The following PDE6C variants were observed in gnomAD, a reference collection of about 807,000 sequenced individuals.
PDE6C encodes the protein phosphodiesterase 6C, also known as cone cGMP-specific 3',5'-cyclic phosphodiesterase subunit alpha'.
In PDE6C, 75 loss-of-function variants were observed where a neutral mutation model predicts 113.1. The observed-to-expected ratio is 0.66, with a 90% CI of 0.55 to 0.80. The LOEUF (loss-of-function observed/expected upper bound fraction) is 0.80. Ranked by LOEUF, PDE6C falls within the 30% of genes least tolerant of loss-of-function variation. The probability of loss-of-function intolerance (pLI) is 0.00; values close to 1 mark genes in which losing one functional copy is unlikely to be tolerated. For missense variants in PDE6C, 912 were observed against 1,038.6 expected, an observed-to-expected ratio of 0.88 and a Z score of 1.67; for synonymous variants, 375 against 363.7, an observed-to-expected ratio of 1.03 and a Z score of -0.35.
chr10:93,640,483 G>C lies in PDE6C; in HGVS notation c.1663G>C (p.Gly555Arg). The C allele has an allele frequency of 6.2e-7, 1 of 1,613,696 alleles. No individual in the cohort carries two copies. Among genetic ancestry groups the C allele is most frequent in the Non-Finnish European group, 8.5e-7 (1 of 1,179,670 alleles). Reference sequence around the variant, plus strand: ...CAGATGGATGTACACTGTGAGGAAAGGGTACCGAGCTGTCACTTACCACAA... The same window carrying C: ...CAGATGGATGTACACTGTGAGGAAACGGTACCGAGCTGTCACTTACCACAA... ...LTRWMYTVRK[G>R]YRAVTYHNWR... The change falls in exon 13 of 22, where the codon GGG becomes CGG. Residue 555 changes from glycine to arginine, a missense_variant. Transcript: ENST00000371447.
rs540845455 is a variant in PDE6C at position 93,614,565 on chromosome 10, C to T, written c.480+1360C>T. On this transcript the variant is annotated intron_variant, in intron 1 of 21. Coordinates refer to ENST00000371447, the MANE Select transcript of PDE6C (RefSeq NM_006204.4). ...TCCTGAGGTTTTTCTCATGGGAATA[C>T]GCTCCTTGAGGGTCCCCAACTGAGC... Among the ~76,000 whole-genome samples the T allele has an allele frequency of 8.5e-5, 13 of 152,292 alleles. 1 individual carries two copies. The South Asian group carries it at 1.2e-3, about 15-fold the overall frequency.
At chr10:93,632,699 T>C (rs185933094) in intron 8 of PDE6C, among the ~76,000 whole-genome samples, 11 of 152,374 alleles carry the variant, frequency 7.2e-5, no homozygotes, top group African/African-American at 2.6e-4. Flanking sequence ...TATGATGGTG[T>C]AAGTACATAA....
At chr10:93,663,300 G>A (rs990742366) in intron 21 of PDE6C, 122 bp downstream of exon 21, 1 of 976,744 alleles carries the variant, frequency 1.0e-6, no homozygotes, top group Non-Finnish European at 1.6e-6. Flanking sequence ...GGTGCAGACT[G>A]ATCATTTTAA....
At chr10:93,614,293 C>T (rs150985132) in intron 1 of PDE6C, among the ~76,000 whole-genome samples, 1,912 of 152,228 alleles carry the variant, frequency 0.013, 21 homozygotes, top group Non-Finnish European at 0.021. Context: ...GTCACACGGA[C>T]CCAAGAGGTG....
rs527773541 is a variant in PDE6C, at chr10:93,665,834, G to A, written c.*416G>A. ...AGGAGTTGGCAGGGTTGGTTTCTTG[G>A]GAGGCCTCTCAACTTGGTTTGCAGA... On this transcript the variant is annotated 3_prime_UTR_variant, in exon 22 of 22. Coordinates refer to ENST00000371447, the MANE Select transcript of PDE6C (RefSeq NM_006204.4). The A allele has an allele frequency of 3.9e-6, 1 of 255,612 alleles. No individual in the cohort carries two copies. Among genetic ancestry groups the A allele is most frequent in the African/African-American group, 2.3e-5 (1 of 42,734 alleles). 15.8% of individuals were successfully genotyped at this position (255,612 alleles called of 1,614,324 possible). A position where few individuals can be genotyped will look rare whatever the true frequency, so the allele number is the denominator to read the frequency against.
chr10:93,627,258 C>CAAGAAAAAAAAAAA (rs71031524), intron 7 of PDE6C, among the ~76,000 whole-genome samples: 3 of 52,578 alleles, frequency 5.7e-5, no homozygotes, highest in Non-Finnish European at 1.1e-4. Context: ...TGAAACTCCA[C>CAAGAAAAAAAAAAA]AAAAAAAAAA....
intron 4 of PDE6C, among the ~76,000 whole-genome samples, chr10:93,623,263 T>G (rs2058457274): frequency 6.6e-6 from 1 of 152,226 alleles, no homozygotes; most frequent in African/African-American, 2.4e-5. Flanking sequence ...CTGTATATCT[T>G]CTTAGAGAGA....
chr10:93,630,061 T>A (rs1167396017), intron 8 of PDE6C, among the ~76,000 whole-genome samples: 2 of 152,130 alleles, frequency 1.3e-5, no homozygotes, highest in Non-Finnish European at 2.9e-5. Context: ...GGTGGTTTTC[T>A]CAGCAGCCCT....
In PDE6C at chr10:93,634,813, T is replaced by C. The variant is rs1469983140; in HGVS notation, c.1175T>C (p.Ile392Thr). The change falls in exon 9 of 22, where the codon ATT becomes ACT. Residue 392 changes from isoleucine (I) to threonine (T), a missense_variant. Transcript: ENST00000371447. ...ATTAAGAATGTTTTGTCCCTGCCTATTGTCAACAAGAAAGAAGATATTGTG... is the reference window on the plus strand; with the variant it reads ...ATTAAGAATGTTTTGTCCCTGCCTACTGTCAACAAGAAAGAAGATATTGTG... ...WVIKNVLSLP[I>T]VNKKEDIVGV... 2 of 1,614,008 alleles carry C rather than the reference T, an allele frequency of 1.2e-6. No homozygotes were observed. Among genetic ancestry groups the C allele is most frequent in the Non-Finnish European group, 1.7e-6 (2 of 1,180,000 alleles).
intron 14 of PDE6C, among the ~76,000 whole-genome samples, chr10:93,641,404 G>A (rs534584256): frequency 1.2e-3 from 179 of 152,088 alleles, no homozygotes; most frequent in Non-Finnish European, 2.1e-3. Context: ...AGAGTGAGGC[G>A]GGCGGATCAA....
intron 4 of PDE6C, among the ~76,000 whole-genome samples, chr10:93,623,336 G>A (rs1334087831): frequency 2.0e-5 from 3 of 152,166 alleles, no homozygotes; most frequent in Non-Finnish European, 4.4e-5. Flanking sequence ...AATTGTAAGA[G>A]TTATTTGTAT....
chr10:93,625,425 C>T (rs1435610434), intron 4 of PDE6C, 150 bp from the exon 5 acceptor site: 1 of 659,704 alleles, frequency 1.5e-6, no homozygotes, highest in Non-Finnish European at 2.8e-6. Context: ...AAATTCCTAA[C>T]CAGTATTGCT....
At chr10:93,639,938 C>A in intron 11 of PDE6C, 132 bp from the exon 12 acceptor site, 2 of 900,652 alleles carry the variant, frequency 2.2e-6, no homozygotes, top group Non-Finnish European at 3.7e-6. Flanking sequence ...CAGTGCCTGG[C>A]ACATGGTGGT....
At position 93,613,102 on chromosome 10, in the gene PDE6C, A is replaced by G. The variant is rs769594772; in HGVS notation, c.377A>G (p.Asn126Ser). The change falls in exon 1 of 22, where the codon AAC (asparagine) becomes AGC (serine). Residue 126 changes from asparagine to serine, a missense_variant. Physicochemically the swap from Asn to Ser is conservative, Grantham distance 46. Coordinates refer to ENST00000371447, the MANE Select transcript of PDE6C (RefSeq NM_006204.4). Reference sequence around the variant, plus strand: ...ACCCCCACCTCCAAGTTTGAGGACAACCTGGTGGGCCCTGACAAAGAAGTT... The same window carrying G: ...ACCCCCACCTCCAAGTTTGAGGACAGCCTGGTGGGCCCTGACAAAGAAGTT... The part of the protein sequence containing the change: ...DVTPTSKFED[N>S]LVGPDKEVVF... The G allele has an allele frequency of 1.2e-6, 2 of 1,614,046 alleles. No individual in the cohort carries two copies. Among genetic ancestry groups the G allele is most frequent in the Non-Finnish European group, 8.5e-7 (1 of 1,180,034 alleles).
At chr10:93,665,083 G>A (rs946824135) in intron 21 of PDE6C, among the ~76,000 whole-genome samples, 3 of 152,054 alleles carry the variant, frequency 2.0e-5, no homozygotes, top group African/African-American at 7.2e-5. Context: ...TGACCAGGCT[G>A]GTCTTGCACT....
chr10:93,659,219 T>A (rs751660981), intron 18 of PDE6C, 52 bp downstream of exon 18: 3 of 1,238,538 alleles, frequency 2.4e-6, no homozygotes, highest in Non-Finnish European at 3.6e-6. Flanking sequence ...ACTGCCTAGG[T>A]CCCATGTAAA....
rs1192485815 is a variant in PDE6C, at chr10:93,612,680, C to G, written c.-46C>G. 2 of 1,611,954 alleles carry G rather than the reference C, an allele frequency of 1.2e-6. No homozygotes were observed. Among genetic ancestry groups the G allele is most frequent in the South Asian group, 2.2e-5 (2 of 90,896 alleles). ...TCATCACTCTGCCTCAGGTAGTGCT[C>G]TGAAGGTCGTCCTTTCTGAACAAAC... On this transcript the variant is annotated 5_prime_UTR_variant, in exon 1 of 22. Coordinates refer to ENST00000371447, the MANE Select transcript of PDE6C (RefSeq NM_006204.4).
intron 7 of PDE6C, among the ~76,000 whole-genome samples, chr10:93,628,240 A>T (rs543703564): frequency 1.4e-5 from 2 of 147,690 alleles, no homozygotes; most frequent in Non-Finnish European, 3.0e-5. Context: ...CCATTTGTTC[A>T]TTTTTTTTTT....
At chr10:93,619,525 C>T (rs961719533) in intron 1 of PDE6C, among the ~76,000 whole-genome samples, 11 of 152,174 alleles carry the variant, frequency 7.2e-5, no homozygotes, top group Non-Finnish European at 1.2e-4. Context: ...CTCCCGGGTT[C>T]AAGCGACTCC....
Sources: gnomAD v4.1 joint callset for allele counts (sites outside exome capture counted in the v4.1 genomes callset) on GRCh38, gnomAD v4.1.1 for gene constraint, MANE v1.5 for transcripts, NCBI Gene and HGNC (gene_info 2026-07-23, HGNC 2026-07-21) for gene names.